Variants in ZBTB20 observed in about 807,000 individuals in gnomAD.
ZBTB20 encodes zinc finger and BTB domain containing 20, also known as zinc finger and BTB domain-containing protein 20.
Under a neutral mutation model 56.9 loss-of-function variants are expected in ZBTB20, and 9 were observed. That is an observed-to-expected ratio of 0.16 (90% confidence interval 0.10 to 0.28). The LOEUF (loss-of-function observed/expected upper bound fraction) is 0.28. Ranked by LOEUF, ZBTB20 falls within the 10% of genes least tolerant of loss-of-function variation. The pLI, the probability that ZBTB20 is intolerant of heterozygous loss-of-function variation, is 1.00. For synonymous variants in ZBTB20, 417 were observed against 420.7 expected (o/e 0.99, Z 0.11); for missense variants, 655 against 1,003.0 (o/e 0.65, Z 4.69).
chr3:114,539,903 CTTT>C (rs11288043), intron 6 of ZBTB20, among the ~76,000 whole-genome samples: 1 of 143,490 alleles, frequency 7.0e-6, no homozygotes, highest in African/African-American at 2.6e-5. Flanking sequence ...TTCAACCCAC[CTTT>C]TTTTTTTTTT....
chr3:114,549,365 G>C lies in ZBTB20; in HGVS notation c.-294-48974C>G, dbSNP rs577818500. On this transcript the variant is annotated intron_variant, in intron 6 of 11. Transcript: ENST00000675478. ...ATTACATATAACACTTCTTCTATCA[G>C]CCCTATGTTTCTATGTTCTTTATTA... Among the ~76,000 whole-genome samples, 5 of 152,142 alleles carry C rather than the reference G, an allele frequency of 3.3e-5. No individual in the cohort carries two copies. The East Asian group carries it at 9.6e-4, about 29-fold the overall frequency.
chr3:114,362,877 T>C (rs1441709319), intron 10 of ZBTB20, among the ~76,000 whole-genome samples: 1 of 152,190 alleles, frequency 6.6e-6, no homozygotes, highest in Non-Finnish European at 1.5e-5. Flanking sequence ...ACCTGCTTGG[T>C]AACAGATGTT....
chr3:114,400,847 C>T (rs113287203), intron 7 of ZBTB20, among the ~76,000 whole-genome samples: 1 of 152,084 alleles, frequency 6.6e-6, no homozygotes, highest in African/African-American at 2.4e-5. Context: ...AACCTAAGTG[C>T]TCTGATTGAA....
At chr3:114,392,362 T>C (rs898027746) in intron 7 of ZBTB20, among the ~76,000 whole-genome samples, 20 of 152,320 alleles carry the variant, frequency 1.3e-4, no homozygotes, top group African/African-American at 4.1e-4. Context: ...TCACACGGCA[T>C]GCCTATATCA....
At chr3:114,722,541 A>ACT (rs2064988769) in intron 5 of ZBTB20, among the ~76,000 whole-genome samples, 6 of 152,238 alleles carry the variant, frequency 3.9e-5, no homozygotes, top group African/African-American at 1.4e-4. Context: ...GAGATAGATC[A>ACT]GTTGAATGGT....
intron 6 of ZBTB20, among the ~76,000 whole-genome samples, chr3:114,573,239 C>T (rs1230046857): frequency 6.6e-6 from 1 of 151,984 alleles, no homozygotes; most frequent in Non-Finnish European, 1.5e-5. Flanking sequence ...GCAGGTGGAT[C>T]CCCTGAGCTC....
chr3:114,322,639 T>A lies in ZBTB20; in HGVS notation c.*16366A>T, dbSNP rs2078934497. On this transcript the variant is annotated 3_prime_UTR_variant, in exon 12 of 12. Coordinates refer to ENST00000675478, the MANE Select transcript of ZBTB20 (RefSeq NM_001348800.3). ...TAGCTTTGGTTTGGTGCAGTCAATG[T>A]CCTCTTAGTGATTACCCAATACTTA... is the stretch of plus-strand genomic sequence containing the variant. The A allele has an allele frequency of 6.6e-6, 1 of 152,254 alleles. No homozygotes were observed. Among genetic ancestry groups the A allele is most frequent in the Non-Finnish European group, 1.5e-5 (1 of 68,048 alleles). 9.4% of individuals were successfully genotyped at this position (152,254 alleles called of 1,614,324 possible).
intron 2 of ZBTB20, among the ~76,000 whole-genome samples, chr3:115,035,944 A>G: frequency 6.6e-6 from 1 of 152,196 alleles, no homozygotes; most frequent in Non-Finnish European, 1.5e-5. Flanking sequence ...CTTTGAGGAC[A>G]CTATGCTAAA....
At chr3:114,345,213 T>C (rs549551042) in intron 11 of ZBTB20, among the ~76,000 whole-genome samples, 29 of 152,344 alleles carry the variant, frequency 1.9e-4, no homozygotes, top group Middle Eastern at 3.4e-3. Flanking sequence ...AATGTGCACA[T>C]TGACCAAATG....
chr3:114,917,925 C>T lies in ZBTB20; in HGVS notation c.-455-17583G>A, dbSNP rs181176797. Among the ~76,000 whole-genome samples, 116 of 150,138 alleles carry T rather than the reference C, an allele frequency of 7.7e-4. 2 individuals are homozygous for T. Among genetic ancestry groups the T allele is most frequent in the African/African-American group, 2.7e-3 (109 of 40,852 alleles). On this transcript the variant is annotated intron_variant, in intron 3 of 11. Coordinates refer to ENST00000675478, the MANE Select transcript of ZBTB20 (RefSeq NM_001348800.3). ...CAAGGCCCTGGGGTTCTACAATTAT[C>T]AGTTACCAACACCAGCCACATCTGT... is the stretch of plus-strand genomic sequence containing the variant.
chr3:114,484,818 T>TGC (rs1225508249), intron 7 of ZBTB20, among the ~76,000 whole-genome samples: 3 of 148,708 alleles, frequency 2.0e-5, no homozygotes, highest in African/African-American at 7.7e-5. Flanking sequence ...TGTGTGTGTG[T>TGC]GCGCGTGCAT....
chr3:114,909,651 C>T (rs1238418102), intron 3 of ZBTB20, among the ~76,000 whole-genome samples: 4 of 151,886 alleles, frequency 2.6e-5, no homozygotes, highest in African/African-American at 9.7e-5. Context: ...ATACAGCATA[C>T]GTGTACAATA....
At chr3:114,608,921 A>T (rs946835681) in intron 6 of ZBTB20, among the ~76,000 whole-genome samples, 3 of 152,226 alleles carry the variant, frequency 2.0e-5, no homozygotes, top group Non-Finnish European at 4.4e-5. Flanking sequence ...TGATTTTTAA[A>T]AAGTAAACCA....
intron 7 of ZBTB20, among the ~76,000 whole-genome samples, chr3:114,437,973 TGTG>T (rs2090629168): frequency 6.6e-6 from 1 of 152,122 alleles, no homozygotes; most frequent in Non-Finnish European, 1.5e-5. Context: ...CACTCATCAA[TGTG>T]GTGGCAGGCA....
chr3:114,867,100 T>G (rs1305154900), intron 4 of ZBTB20, among the ~76,000 whole-genome samples: 3 of 152,170 alleles, frequency 2.0e-5, no homozygotes, highest in Non-Finnish European at 4.4e-5. Context: ...CCCCCTTCAG[T>G]AAGAGCAAAG....
chr3:114,787,442 C>CAT lies in ZBTB20; in HGVS notation c.-343+13657_-343+13658dup, dbSNP rs1229091577. 1.7e-4 allele frequency among the ~76,000 whole-genome samples: 25 copies of CAT among 148,232 alleles called. No individual in the cohort carries two copies. The East Asian group carries it at 3.3e-3, about 20-fold the overall frequency. On this transcript the variant is annotated intron_variant, in intron 5 of 11. Transcript: ENST00000675478. ...GTACACATATATACACGTATATACA[C>CAT]ATATATATACACATATATACATATA...
At chr3:114,556,862 T>C (rs981329241) in intron 6 of ZBTB20, among the ~76,000 whole-genome samples, 5 of 152,056 alleles carry the variant, frequency 3.3e-5, no homozygotes, top group Admixed American at 6.6e-5. Context: ...CTGCTGAGGA[T>C]GCAGAAATCT....
chr3:115,121,906 A>ACTC (rs561532967), intron 1 of ZBTB20, among the ~76,000 whole-genome samples: 105 of 152,172 alleles, frequency 6.9e-4, no homozygotes, highest in African/African-American at 2.4e-3. Flanking sequence ...TGTACTTGAG[A>ACTC]AAGATCTCCT....
chr3:114,909,028 T>A (rs2075424654), intron 3 of ZBTB20, among the ~76,000 whole-genome samples: 1 of 151,944 alleles, frequency 6.6e-6, no homozygotes, highest in African/African-American at 2.4e-5. Context: ...TGATGATGAA[T>A]CTTTTCCAAA....
Sources: gnomAD v4.1 joint callset for allele counts (sites outside exome capture counted in the v4.1 genomes callset) on GRCh38, gnomAD v4.1.1 for gene constraint, MANE v1.5 for transcripts, NCBI Gene and HGNC (gene_info 2026-07-23, HGNC 2026-07-21) for gene names.